MACROD2: variants seen among roughly 807,000 people sequenced by gnomAD.
The protein encoded by MACROD2 is ADP-ribose glycohydrolase MACROD2.
MACROD2 carries 36 observed loss-of-function variants against 70.4 expected under a neutral mutation model. The observed-to-expected ratio is 0.51, with a 90% CI of 0.39 to 0.68. MACROD2 has a LOEUF of 0.68. Ranked by LOEUF, MACROD2 falls within the 30% of genes least tolerant of loss-of-function variation. The probability of loss-of-function intolerance (pLI) is 0.00; values close to 1 mark genes in which losing one functional copy is unlikely to be tolerated. For missense variants in MACROD2, 496 were observed against 538.4 expected, an observed-to-expected ratio of 0.92 and a Z score of 0.78; for synonymous variants, 172 against 178.8, an observed-to-expected ratio of 0.96 and a Z score of 0.30.
intron 7 of MACROD2, among the ~76,000 whole-genome samples, chr20:15,494,782 CGT>C (rs1377567121): frequency 6.8e-6 from 1 of 147,800 alleles, no homozygotes; most frequent in Non-Finnish European, 1.5e-5. Context: ...TGTGTGCGCG[CGT>C]GTGTGCAGTA....
intron 5 of MACROD2, among the ~76,000 whole-genome samples, chr20:14,863,998 G>C (rs2073400636): frequency 6.6e-6 from 1 of 152,096 alleles, no homozygotes; most frequent in South Asian, 2.1e-4. Context: ...TTTATGGTCA[G>C]GAGAAGTGGG....
At chr20:14,126,076 T>C (rs1212102087) in intron 3 of MACROD2, among the ~76,000 whole-genome samples, 1 of 152,204 alleles carries the variant, frequency 6.6e-6, no homozygotes, top group Non-Finnish European at 1.5e-5. Flanking sequence ...GTATTCTGTT[T>C]TAGTTTACTA....
chr20:15,532,325 A>T (rs1231770687), intron 8 of MACROD2, among the ~76,000 whole-genome samples: 1 of 152,098 alleles, frequency 6.6e-6, no homozygotes, highest in Non-Finnish European at 1.5e-5. Flanking sequence ...GCTTTGCTAA[A>T]TCTCTCAACC....
At chr20:14,394,194 A>G (rs2083557354) in intron 3 of MACROD2, among the ~76,000 whole-genome samples, 1 of 152,186 alleles carries the variant, frequency 6.6e-6, no homozygotes, top group Non-Finnish European at 1.5e-5. Flanking sequence ...TTTATAGATC[A>G]ATTTAAGGAA....
At chr20:15,868,082 T>G (rs1478013883) in intron 9 of MACROD2, among the ~76,000 whole-genome samples, 1 of 152,210 alleles carries the variant, frequency 6.6e-6, no homozygotes, top group Non-Finnish European at 1.5e-5. Context: ...ATGGCAATAG[T>G]GCAGAGGTTG....
chr20:14,392,699 G>T (rs895045399), intron 3 of MACROD2, among the ~76,000 whole-genome samples: 2 of 152,134 alleles, frequency 1.3e-5, no homozygotes, highest in African/African-American at 4.8e-5. Context: ...GTATATGCCT[G>T]TTTGGACTGT....
chr20:15,052,010 CA>C (rs1262201502), intron 5 of MACROD2, among the ~76,000 whole-genome samples: 1 of 152,188 alleles, frequency 6.6e-6, no homozygotes, highest in Non-Finnish European at 1.5e-5. Flanking sequence ...CCCGGCCTTC[CA>C]AAGTGCTGGG....
chr20:14,730,689 G>T (rs1037589708), intron 5 of MACROD2, among the ~76,000 whole-genome samples: 1 of 152,008 alleles, frequency 6.6e-6, no homozygotes, highest in Non-Finnish European at 1.5e-5. Context: ...AGCGAGAAAA[G>T]AAATTCATAC....
At chr20:14,455,310 A>G (rs2084289036) in intron 3 of MACROD2, among the ~76,000 whole-genome samples, 1 of 151,858 alleles carries the variant, frequency 6.6e-6, no homozygotes, top group African/African-American at 2.4e-5. Context: ...AAAGAGCTCA[A>G]ATGTTTAAGA....
intron 8 of MACROD2, among the ~76,000 whole-genome samples, chr20:15,853,847 G>A (rs578232700): frequency 6.6e-6 from 1 of 152,288 alleles, no homozygotes; most frequent in African/African-American, 2.4e-5. Context: ...TAATTAGTAG[G>A]TGTGTTTTAA....
intron 3 of MACROD2, among the ~76,000 whole-genome samples, chr20:14,409,857 A>G (rs558979089): frequency 6.6e-6 from 1 of 152,266 alleles, no homozygotes; most frequent in South Asian, 2.1e-4. Flanking sequence ...GCTGAACTGA[A>G]TCAGATCTGC....
chr20:14,507,845 C>T (rs1232936839), intron 4 of MACROD2, among the ~76,000 whole-genome samples: 2 of 152,096 alleles, frequency 1.3e-5, no homozygotes, highest in Non-Finnish European at 2.9e-5. Flanking sequence ...GTGCGCTGGC[C>T]TGTTTGTTGT....
At chr20:14,758,770 A>G (rs2071976321) in intron 5 of MACROD2, among the ~76,000 whole-genome samples, 1 of 152,136 alleles carries the variant, frequency 6.6e-6, no homozygotes, top group Non-Finnish European at 1.5e-5. Flanking sequence ...TCTCTTTAGG[A>G]TTTCAGTATC....
intron 12 of MACROD2, among the ~76,000 whole-genome samples, chr20:15,952,109 CT>C (rs2065914704): frequency 6.6e-6 from 1 of 151,588 alleles, no homozygotes; most frequent in Non-Finnish European, 1.5e-5. Flanking sequence ...CTCTCTTTGC[CT>C]GCCACCATCC....
intron 6 of MACROD2, among the ~76,000 whole-genome samples, chr20:15,400,547 A>T (rs904005530): frequency 1.3e-5 from 2 of 152,228 alleles, no homozygotes; most frequent in South Asian, 2.1e-4. Flanking sequence ...GATATTTTTC[A>T]ATTTAAACTG....
intron 8 of MACROD2, among the ~76,000 whole-genome samples, chr20:15,653,953 C>A (rs1346135311): frequency 6.6e-6 from 1 of 152,062 alleles, no homozygotes; most frequent in Non-Finnish European, 1.5e-5. Context: ...GAGGAGGAAG[C>A]AAGCAGGAAG....
chr20:14,623,117 A>G (rs538361351), intron 4 of MACROD2: 4 of 152,264 alleles, frequency 2.6e-5, no homozygotes, highest in Admixed American at 1.3e-4. Flanking sequence ...CCCAAAGACT[A>G]TCTTAATGCC....
intron 6 of MACROD2, among the ~76,000 whole-genome samples, chr20:15,343,441 GAAGGCTTCATT>G (rs1264287786): frequency 7.9e-5 from 12 of 152,164 alleles, no homozygotes; most frequent in Non-Finnish European, 1.3e-4. Flanking sequence ...TGATTCAGAA[GAAGGCTTCATT>G]AGAATGCACC....
intron 5 of MACROD2, among the ~76,000 whole-genome samples, chr20:15,119,018 G>A (rs934829086): frequency 1.3e-5 from 2 of 152,186 alleles, no homozygotes; most frequent in Non-Finnish European, 2.9e-5. Context: ...ATGTATGTGT[G>A]TATGTGCATC....
Sources: allele counts gnomAD v4.1 joint callset (sites outside exome capture counted in the v4.1 genomes callset), GRCh38; gene constraint gnomAD v4.1.1; transcripts MANE v1.5; gene names NCBI Gene and HGNC (gene_info 2026-07-23, HGNC 2026-07-21).